Variants in TBXA2R observed in about 807,000 individuals in gnomAD.
The protein encoded by TBXA2R is prostanoid TP receptor.
TBXA2R carries 15 observed loss-of-function variants against 15.6 expected under a neutral mutation model. That is an observed-to-expected ratio of 0.96 (90% CI 0.64 to 1.48). The LOEUF is 1.48. TBXA2R is among the 40% of genes most tolerant of loss of function. The probability of loss-of-function intolerance (pLI) is 0.00; values close to 1 mark genes in which losing one functional copy is unlikely to be tolerated. For synonymous variants in TBXA2R, 280 were observed against 241.2 expected (o/e 1.16, Z -1.49); for missense variants, 506 against 491.4 (o/e 1.03, Z -0.28).
chr19:3,595,423 C>T lies in TBXA2R; in HGVS notation c.*265G>A. 4 of 1,405,130 alleles carry T rather than the reference C, an allele frequency of 2.8e-6. No individual in the cohort carries two copies. Among genetic ancestry groups the T allele is most frequent in the Non-Finnish European group, 3.7e-6 (4 of 1,084,728 alleles). The allele number at this position is 1,405,130 out of a possible 1,614,324, so 87.0% of individuals were successfully genotyped here. A position where few individuals can be genotyped will look rare whatever the true frequency, so the allele number is the denominator to read the frequency against. On this transcript the variant is annotated 3_prime_UTR_variant, in exon 3 of 3. Coordinates refer to ENST00000375190, the MANE Select transcript of TBXA2R (RefSeq NM_001060.6). ...AAGACCCTCTTCCAATGTCTGCATG[C>T]CCTTCCTGGGGTTGGGAGGGACGCA...
chr19:3,600,615 G>A lies in TBXA2R; in HGVS notation c.20C>T (p.Ser7Phe), dbSNP rs1599873677. The A allele has an allele frequency of 6.2e-7, 1 of 1,612,668 alleles. No homozygotes were observed. The highest frequency in any genetic ancestry group is 8.5e-7 in the Non-Finnish European group (1 of 1,179,794). Reference sequence around the variant, plus strand: ...TGTGGGCCGGAAACAGGGCCCCAGGGAACTGCCGTTGGGCCACATGGCTCC... The same window carrying A: ...TGTGGGCCGGAAACAGGGCCCCAGGAAACTGCCGTTGGGCCACATGGCTCC... MWPNGS[S>F]LGPCFRPTNI... Residue 7 changes from serine (S) to phenylalanine (F), a missense_variant, in exon 2 of 3, where the codon TCC becomes TTC. By Grantham distance (155) the Ser-to-Phe change is radical. Transcript: ENST00000375190.
In TBXA2R at chr19:3,600,387, G is replaced by C; in HGVS notation, c.248C>G (p.Thr83Ser). Residue 83 changes from threonine to serine, a missense_variant, in exon 2 of 3, where the codon ACC becomes AGC. Physicochemically the swap from Thr to Ser is moderately conservative, Grantham distance 58 (BLOSUM62 1). Coordinates refer to ENST00000375190, the MANE Select transcript of TBXA2R (RefSeq NM_001060.6). ...CGCGGCGTGCTGGGACACCACGATG[G>C]TACCGGTCACCAGCAGCCCCAGGAA... The part of the protein sequence containing the change: ...TDFLGLLVTG[T>S]IVVSQHAALF... 6.2e-7 allele frequency: 1 copy of C among 1,613,410 alleles called. No homozygotes were observed. Among genetic ancestry groups the C allele is most frequent in the Non-Finnish European group, 8.5e-7 (1 of 1,179,768 alleles).
At chr19:3,601,858 C>T (rs2032744250) in intron 1 of TBXA2R, among the ~76,000 whole-genome samples, 1 of 150,986 alleles carries the variant, frequency 6.6e-6, no homozygotes, top group Non-Finnish European at 1.5e-5. Flanking sequence ...ACCCGGGAGG[C>T]AGAGGTTGCA....
intron 1 of TBXA2R, 22 bp downstream of exon 1, chr19:3,606,508 T>G (rs1297541619): frequency 1.3e-5 from 2 of 152,306 alleles, no homozygotes; most frequent in African/African-American, 4.8e-5. Context: ...CATCCCGCCC[T>G]AAGCCAGCGG....
rs755112513 is a variant in TBXA2R, at chr19:3,595,974, G to A, written c.787-41C>T. 4 of 1,555,392 alleles carry A rather than the reference G, an allele frequency of 2.6e-6. No individual in the cohort carries two copies. In the African/African-American group the frequency reaches 5.4e-5, roughly 21 times the overall value. On this transcript the variant is annotated intron_variant, in intron 2 of 2. Coordinates refer to ENST00000375190, the MANE Select transcript of TBXA2R (RefSeq NM_001060.6). ...CTGTCAGCCTGGGCCCCCGCCTCCAGCCCCGCCCGCCCCGGTCCCTGCCCG... is the reference window on the plus strand; with the variant it reads ...CTGTCAGCCTGGGCCCCCGCCTCCAACCCCGCCCGCCCCGGTCCCTGCCCG...
chr19:3,605,274 G>C (rs567846151), intron 1 of TBXA2R, among the ~76,000 whole-genome samples: 2 of 152,354 alleles, frequency 1.3e-5, no homozygotes, highest in South Asian at 4.1e-4. Context: ...GTGGTTAATG[G>C]TGGACCACAA....
intron 2 of TBXA2R, among the ~76,000 whole-genome samples, chr19:3,597,260 T>C (rs2032621935): frequency 6.6e-6 from 1 of 151,336 alleles, no homozygotes; most frequent in Admixed American, 6.6e-5. Flanking sequence ...TTAAACTATA[T>C]TTAAAAATAT....
At chr19:3,596,575 G>C (rs2032608207) in intron 2 of TBXA2R, among the ~76,000 whole-genome samples, 1 of 151,996 alleles carries the variant, frequency 6.6e-6, no homozygotes, top group Admixed American at 6.6e-5. Flanking sequence ...AGTTACCCAG[G>C]CATGGTTGCA....
At chr19:3,596,326 G>A (rs1308597366) in intron 2 of TBXA2R, among the ~76,000 whole-genome samples, 2 of 151,890 alleles carry the variant, frequency 1.3e-5, no homozygotes, top group Admixed American at 6.6e-5. Flanking sequence ...CACTGCGCCC[G>A]GCCAGTGTCC....
chr19:3,601,528 A>C (rs527269174), intron 1 of TBXA2R, among the ~76,000 whole-genome samples: 1 of 151,976 alleles, frequency 6.6e-6, no homozygotes, highest in African/African-American at 2.4e-5. Context: ...GTCTCAAAAA[A>C]AAAAAAACCA....
intron 2 of TBXA2R, among the ~76,000 whole-genome samples, chr19:3,598,655 T>TTTTG (rs556260806): frequency 5.3e-5 from 8 of 149,974 alleles, no homozygotes; most frequent in Non-Finnish European, 5.9e-5. Flanking sequence ...GCTGGCCTGT[T>TTTTG]TTTGTTTGTT....
At chr19:3,596,353 G>A (rs1391520098) in intron 2 of TBXA2R, among the ~76,000 whole-genome samples, 1 of 152,040 alleles carries the variant, frequency 6.6e-6, no homozygotes, top group Non-Finnish European at 1.5e-5. Context: ...TTACTGCATT[G>A]CTGGGTGACC....
intron 2 of TBXA2R, 126 bp from the exon 3 acceptor site, chr19:3,596,059 C>A: frequency 8.1e-7 from 1 of 1,240,820 alleles, no homozygotes; most frequent in Non-Finnish European, 1.1e-6. Context: ...GACAGGGTCT[C>A]ACTCTGTCGT....
At chr19:3,603,063 G>A (rs1350715349) in intron 1 of TBXA2R, among the ~76,000 whole-genome samples, 1 of 151,222 alleles carries the variant, frequency 6.6e-6, no homozygotes, top group Non-Finnish European at 1.5e-5. Flanking sequence ...CGGGGTTGCT[G>A]ATGACGGGAG....
chr19:3,597,524 C>T (rs373061715), intron 2 of TBXA2R, among the ~76,000 whole-genome samples: 91 of 151,888 alleles, frequency 6.0e-4, no homozygotes, highest in East Asian at 3.3e-3. Flanking sequence ...CCAGCTACTC[C>T]GGAGGCTGAA....
chr19:3,595,385 A>C lies in TBXA2R; in HGVS notation c.*303T>G, dbSNP rs1369823260. 1.5e-6 allele frequency: 2 copies of C among 1,374,526 alleles called. No individual in the cohort carries two copies. The highest frequency in any genetic ancestry group is 6.5e-5 in the Admixed American group (2 of 30,940). The allele number at this position is 1,374,526 out of a possible 1,614,324, so 85.1% of individuals were successfully genotyped here. A position where few individuals can be genotyped will look rare whatever the true frequency, so the allele number is the denominator to read the frequency against. The stretch of plus-strand genomic sequence containing the variant: ...CAGAGCAAGACTCCGTCTAAAAAAA[A>C]AAATAGCAATGCAAGACCCTCTTCC... On this transcript the variant is annotated 3_prime_UTR_variant, in exon 3 of 3. Coordinates refer to ENST00000375190, the MANE Select transcript of TBXA2R (RefSeq NM_001060.6).
chr19:3,596,419 C>T (rs2032606016), intron 2 of TBXA2R, among the ~76,000 whole-genome samples: 1 of 152,042 alleles, frequency 6.6e-6, no homozygotes, highest in Admixed American at 6.6e-5. Context: ...TAAATTAGCG[C>T]ACTCTTAGCC....
At chr19:3,599,716 C>T in intron 2 of TBXA2R, 133 bp downstream of exon 2, 2 of 1,358,558 alleles carry the variant, frequency 1.5e-6, no homozygotes, top group Middle Eastern at 2.5e-4. Flanking sequence ...ATCCTCCCGC[C>T]TCAGCCTCCC....
chr19:3,594,619 A>G lies in TBXA2R; in HGVS notation c.*1069T>C, dbSNP rs2032557996. ...GGCTGCTGGAAGAATTCTAGGTGGT[A>G]CCACCCATCAAGTGATTAGGAAACA... On this transcript the variant is annotated 3_prime_UTR_variant, in exon 3 of 3. Transcript: ENST00000375190. The G allele has an allele frequency of 4.5e-6, 2 of 442,810 alleles. No individual in the cohort carries two copies. The highest frequency in any genetic ancestry group is 7.1e-5 in the Admixed American group (2 of 28,144). The allele number at this position is 442,810 out of a possible 1,614,324, so 27.4% of individuals were successfully genotyped here.
Sources: allele counts gnomAD v4.1 joint callset (sites outside exome capture counted in the v4.1 genomes callset), GRCh38; gene constraint gnomAD v4.1.1; transcripts MANE v1.5; gene names NCBI Gene and HGNC (gene_info 2026-07-23, HGNC 2026-07-21).